Variants in CHPT1 observed in about 807,000 individuals in gnomAD.
CHPT1 encodes the protein cholinephosphotransferase 1.
A neutral mutation model predicts 47.6 loss-of-function variants in CHPT1; 36 were observed. That is an observed-to-expected ratio of 0.76 (90% CI 0.58 to 1.00). The LOEUF is 1.00. Ranked by LOEUF, CHPT1 falls within the 50% of genes least tolerant of loss-of-function variation. CHPT1 has a pLI of 0.00. For synonymous variants in CHPT1, 194 were observed against 186.3 expected (o/e 1.04, Z -0.33); for missense variants, 458 against 498.1 (o/e 0.92, Z 0.77).
At position 101,697,844 on chromosome 12, in the gene CHPT1, C is replaced by A; in HGVS notation, c.-18C>A. On this transcript the variant is annotated 5_prime_UTR_variant, in exon 1 of 9. Coordinates refer to ENST00000229266, the MANE Select transcript of CHPT1 (RefSeq NM_020244.3). ...CGCGGGCTGCGCTCGGTGGCGGCGGCGGGGCCCTCAGGCGGCCATGGCGGC... is the reference window on the plus strand; with the variant it reads ...CGCGGGCTGCGCTCGGTGGCGGCGGAGGGGCCCTCAGGCGGCCATGGCGGC... The A allele has an allele frequency of 9.7e-7, 1 of 1,036,144 alleles. No individual in the cohort carries two copies. The highest frequency in any genetic ancestry group is 1.2e-6 in the Non-Finnish European group (1 of 848,244). The allele number at this position is 1,036,144 out of a possible 1,614,324, so 64.2% of individuals were successfully genotyped here. A position where few individuals can be genotyped will look rare whatever the true frequency, so the allele number is the denominator to read the frequency against.
At chr12:101,707,918 G>A (rs1951655653) in intron 1 of CHPT1, among the ~76,000 whole-genome samples, 1 of 152,156 alleles carries the variant, frequency 6.6e-6, no homozygotes, top group Admixed American at 6.5e-5. Context: ...TTATACTTAT[G>A]GGCCTTTTTC....
rs754768937 is a variant in CHPT1 at position 101,720,085 on chromosome 12, T to A, written c.649-38T>A. On this transcript the variant is annotated intron_variant, in intron 4 of 8. Transcript: ENST00000229266. Reference sequence around the variant, plus strand: ...TTATTATTTAATAAAAAACCAAAATTCTGTTGTCTTAATTGTTTCTTTCTT... The same window carrying A: ...TTATTATTTAATAAAAAACCAAAATACTGTTGTCTTAATTGTTTCTTTCTT... The A allele has an allele frequency of 2.0e-6, 3 of 1,496,670 alleles. No individual in the cohort carries two copies. In the East Asian group the frequency reaches 6.9e-5, roughly 34 times the overall value. The allele number at this position is 1,496,670 out of a possible 1,614,324, so 92.7% of individuals were successfully genotyped here. A position where few individuals can be genotyped will look rare whatever the true frequency, so the allele number is the denominator to read the frequency against.
At chr12:101,722,801 G>T (rs1010889630) in intron 5 of CHPT1, among the ~76,000 whole-genome samples, 1 of 151,370 alleles carries the variant, frequency 6.6e-6, no homozygotes, top group African/African-American at 2.4e-5. Flanking sequence ...ATATTTTGTA[G>T]AATTGGCAGA....
At chr12:101,722,965 T>A (rs908300698) in intron 5 of CHPT1, among the ~76,000 whole-genome samples, 2 of 152,226 alleles carry the variant, frequency 1.3e-5, no homozygotes, top group Admixed American at 6.5e-5. Context: ...ATCAGACATC[T>A]GTGGCACTGT....
rs1033685378 is a variant in CHPT1 at position 101,722,460 on chromosome 12, T to C, written c.781-708T>C. On this transcript the variant is annotated intron_variant, in intron 5 of 8. Coordinates refer to ENST00000229266, the MANE Select transcript of CHPT1 (RefSeq NM_020244.3). ...AGTGCCGAGAGGATACTAATTCACA[T>C]AGATAAAAATGTAATGGTCTGGATT... Among the ~76,000 whole-genome samples, 40 of 152,110 alleles carry C rather than the reference T, an allele frequency of 2.6e-4. 1 individual carries two copies. Among genetic ancestry groups the C allele is most frequent in the Admixed American group, 2.6e-3 (40 of 15,260 alleles).
At chr12:101,709,025 A>G (rs999432625) in intron 1 of CHPT1, among the ~76,000 whole-genome samples, 3 of 148,924 alleles carry the variant, frequency 2.0e-5, no homozygotes, top group Non-Finnish European at 4.5e-5. Flanking sequence ...TCATCCTTAC[A>G]TTTAACTTTT....
chr12:101,708,323 AT>A (rs1951659583), intron 1 of CHPT1, among the ~76,000 whole-genome samples: 1 of 152,096 alleles, frequency 6.6e-6, no homozygotes, highest in South Asian at 2.1e-4. Flanking sequence ...AACAATTTAA[AT>A]TTTAATCAGT....
At chr12:101,703,113 C>G (rs980056456) in intron 1 of CHPT1, among the ~76,000 whole-genome samples, 3 of 152,146 alleles carry the variant, frequency 2.0e-5, no homozygotes, top group African/African-American at 7.2e-5. Flanking sequence ...TTAGAAGAAG[C>G]TTTGAATTTT....
intron 1 of CHPT1, among the ~76,000 whole-genome samples, chr12:101,708,394 G>T (rs996793699): frequency 6.6e-6 from 1 of 151,124 alleles, no homozygotes; most frequent in Non-Finnish European, 1.5e-5. Flanking sequence ...TTGTTTTCTA[G>T]AATAAATTTA....
Position 101,719,951 on chromosome 12 carries a change from A to G in CHPT1, c.649-172A>G, listed in dbSNP as rs950603761. 56 of 304,840 alleles carry G rather than the reference A, an allele frequency of 1.8e-4. No homozygotes were observed. In the African/African-American group the frequency reaches 1.9e-3, roughly 10 times the overall value. 18.9% of individuals were successfully genotyped at this position (304,840 alleles called of 1,614,324 possible). ...ATAAAAATTTAAAAACTAAAAAAAA[A>G]AGTTAAAAAAAAGTTTTTAAGTTAT... On this transcript the variant is annotated intron_variant, in intron 4 of 8. Coordinates refer to ENST00000229266, the MANE Select transcript of CHPT1 (RefSeq NM_020244.3).
At chr12:101,698,268 C>T in intron 1 of CHPT1, 134 bp downstream of exon 1, 1 of 1,267,602 alleles carries the variant, frequency 7.9e-7, no homozygotes, top group Non-Finnish European at 1.0e-6. Context: ...GCCACTGCCC[C>T]GGGCGGTGTC....
At position 101,714,184 on chromosome 12, in the gene CHPT1, C is replaced by T. The variant is rs1223211798; in HGVS notation, c.368C>T (p.Ser123Phe). 3 of 1,613,128 alleles carry T rather than the reference C, an allele frequency of 1.9e-6. No homozygotes were observed. Among genetic ancestry groups the T allele is most frequent in the East Asian group, 2.2e-5 (1 of 44,836 alleles). ...IDGKQARRTN[S>F]CSPLGELFDH... ...GGGAAACAAGCCAGAAGAACAAACT[C>T]TTGTTCCCCTTTAGGGGAGCTCTTT... Residue 123 changes from serine (S) to phenylalanine (F), a missense_variant, in exon 2 of 9, where the codon TCT becomes TTT. Transcript: ENST00000229266.
intron 3 of CHPT1, among the ~76,000 whole-genome samples, chr12:101,716,272 A>G (rs1444546476): frequency 6.6e-6 from 1 of 152,212 alleles, no homozygotes; most frequent in African/African-American, 2.4e-5. Flanking sequence ...TAGTACCTCA[A>G]TAAAGAAGAC....
intron 5 of CHPT1, among the ~76,000 whole-genome samples, chr12:101,722,419 T>C (rs1342060981): frequency 6.6e-6 from 1 of 152,132 alleles, no homozygotes; most frequent in Non-Finnish European, 1.5e-5. Context: ...ATTTCAATAT[T>C]TTATTTAGGA....
chr12:101,705,159 CCT>C (rs1309930497), intron 1 of CHPT1, among the ~76,000 whole-genome samples: 3 of 135,756 alleles, frequency 2.2e-5, no homozygotes, highest in Non-Finnish European at 4.5e-5. Flanking sequence ...GGCCTACTGT[CCT>C]CAAGTGATCC....
intron 6 of CHPT1, 152 bp from the exon 7 acceptor site, chr12:101,723,570 G>A (rs186321698): frequency 1.1e-4 from 67 of 621,310 alleles, no homozygotes; most frequent in Admixed American, 8.5e-4. Context: ...AAGCTACCCA[G>A]TTGTGAATTT....
chr12:101,700,913 G>T (rs1951545706), intron 1 of CHPT1, among the ~76,000 whole-genome samples: 1 of 152,112 alleles, frequency 6.6e-6, no homozygotes, highest in South Asian at 2.1e-4. Context: ...AATTCTTAGT[G>T]TTTTTTTCAG....
chr12:101,699,976 G>A (rs1124605), intron 1 of CHPT1, among the ~76,000 whole-genome samples: 122,568 of 152,126 alleles, frequency 0.81, 49,708 homozygotes, highest in African/African-American at 0.9. Context: ...AGGACCAAAT[G>A]ATATATATGC....
chr12:101,701,573 G>T (rs1951555766), intron 1 of CHPT1, among the ~76,000 whole-genome samples: 1 of 152,196 alleles, frequency 6.6e-6, no homozygotes, highest in Non-Finnish European at 1.5e-5. Context: ...AGGATTCCAA[G>T]CCAGAAGCTA....
Sources: gnomAD v4.1 joint callset for allele counts (sites outside exome capture counted in the v4.1 genomes callset) on GRCh38, gnomAD v4.1.1 for gene constraint, MANE v1.5 for transcripts, NCBI Gene and HGNC (gene_info 2026-07-23, HGNC 2026-07-21) for gene names.